Variants in LDLRAD4 observed in about 807,000 individuals in gnomAD.
LDLRAD4 encodes the protein low-density lipoprotein receptor class A domain-containing protein 4.
In LDLRAD4, 5 loss-of-function variants were observed where a neutral mutation model predicts 17.0. The observed-to-expected ratio is 0.29, with a 90% CI of 0.15 to 0.62. The LOEUF is 0.62. Ranked by LOEUF, LDLRAD4 falls within the 20% of genes least tolerant of loss-of-function variation. The pLI, the probability that LDLRAD4 is intolerant of heterozygous loss-of-function variation, is 0.84. For missense variants in LDLRAD4, 340 were observed against 424.7 expected (o/e 0.80, Z 1.75); for synonymous variants, 168 against 171.8 (o/e 0.98, Z 0.17).
At chr18:13,326,831 C>G (rs547297822) in intron 1 of LDLRAD4, among the ~76,000 whole-genome samples, 1 of 151,906 alleles carries the variant, frequency 6.6e-6, no homozygotes, top group African/African-American at 2.4e-5. Flanking sequence ...TGCAATGGCA[C>G]GATCTTGGCT....
chr18:13,352,412 T>C (rs900124965), intron 1 of LDLRAD4, among the ~76,000 whole-genome samples: 7 of 152,208 alleles, frequency 4.6e-5, no homozygotes, highest in Non-Finnish European at 1.0e-4. Context: ...TTCAGCAGTT[T>C]AAATAAATCC....
intron 1 of LDLRAD4, among the ~76,000 whole-genome samples, chr18:13,251,318 A>C (rs185668975): frequency 4.8e-4 from 73 of 152,338 alleles, no homozygotes; most frequent in African/African-American, 1.7e-3. Context: ...GAACTGGAAC[A>C]AGAAAAGAAT....
At chr18:13,561,062 T>TG (rs1363202334) in intron 3 of LDLRAD4, among the ~76,000 whole-genome samples, 1 of 3,152 alleles carries the variant, frequency 3.2e-4, no homozygotes, top group Non-Finnish European at 0.013. Context: ...AATTGGCTTA[T>TG]GATGTGTCAC....
chr18:13,312,705 G>A (rs1022912765), intron 1 of LDLRAD4, among the ~76,000 whole-genome samples: 1 of 152,072 alleles, frequency 6.6e-6, no homozygotes, highest in Non-Finnish European at 1.5e-5. Flanking sequence ...TCGCACCACC[G>A]CACTCCAGCC....
At chr18:13,437,841 G>A (rs568917923) in intron 2 of LDLRAD4, among the ~76,000 whole-genome samples, 3 of 152,350 alleles carry the variant, frequency 2.0e-5, no homozygotes, top group East Asian at 3.9e-4. Flanking sequence ...CCCCTGCCAC[G>A]GCTGGCTGCA....
At chr18:13,312,333 A>T (rs2047285056) in intron 1 of LDLRAD4, among the ~76,000 whole-genome samples, 2 of 152,230 alleles carry the variant, frequency 1.3e-5, no homozygotes, top group African/African-American at 4.8e-5. Flanking sequence ...CTCATTATGT[A>T]CATGCAGATA....
chr18:13,500,299 A>C (rs1342034148), intron 3 of LDLRAD4, among the ~76,000 whole-genome samples: 1 of 152,194 alleles, frequency 6.6e-6, no homozygotes, highest in East Asian at 1.9e-4. Context: ...CGTCTCTCAA[A>C]GTCCCTCCTC....
chr18:13,376,364 C>T (rs185305075), intron 1 of LDLRAD4, among the ~76,000 whole-genome samples: 167 of 152,288 alleles, frequency 1.1e-3, no homozygotes, highest in Non-Finnish European at 1.9e-3. Context: ...GGCCCACGGT[C>T]GCTTAGATCA....
At chr18:13,327,427 G>A (rs1353389334) in intron 1 of LDLRAD4, among the ~76,000 whole-genome samples, 1 of 152,096 alleles carries the variant, frequency 6.6e-6, no homozygotes, top group African/African-American at 2.4e-5. Context: ...AGTTGGATAA[G>A]GACTGGCTGA....
chr18:13,481,947 A>G (rs2093098056), intron 3 of LDLRAD4, among the ~76,000 whole-genome samples: 1 of 152,026 alleles, frequency 6.6e-6, no homozygotes, highest in East Asian at 1.9e-4. Context: ...CAGAGGGCGG[A>G]GCAGGGCTGG....
intron 2 of LDLRAD4, among the ~76,000 whole-genome samples, chr18:13,418,363 C>T (rs2089129636): frequency 1.3e-5 from 2 of 152,248 alleles, no homozygotes; most frequent in African/African-American, 2.4e-5. Flanking sequence ...TGATCTGCCT[C>T]GCCCCTGAGA....
intron 3 of LDLRAD4, among the ~76,000 whole-genome samples, chr18:13,456,936 C>A (rs114936406): frequency 2.0e-5 from 3 of 152,348 alleles, no homozygotes; most frequent in Admixed American, 6.5e-5. Flanking sequence ...TTTCTCAGCT[C>A]CCAGGATTTC....
intron 1 of LDLRAD4, among the ~76,000 whole-genome samples, chr18:13,383,419 T>C (rs369396547): frequency 9.2e-5 from 14 of 152,106 alleles, no homozygotes; most frequent in African/African-American, 3.4e-4. Flanking sequence ...CTGCGGGTTG[T>C]GTAGCAGGGT....
intron 2 of LDLRAD4, among the ~76,000 whole-genome samples, chr18:13,407,076 G>A (rs1246533552): frequency 6.6e-6 from 1 of 152,186 alleles, no homozygotes; most frequent in African/African-American, 2.4e-5. Context: ...GTGCGTGGCG[G>A]TATGCATTTT....
At chr18:13,556,194 A>G (rs948392455) in intron 3 of LDLRAD4, among the ~76,000 whole-genome samples, 2 of 152,204 alleles carry the variant, frequency 1.3e-5, no homozygotes, top group Admixed American at 1.3e-4. Flanking sequence ...GGAATTTCTG[A>G]GTCTATTGCA....
In LDLRAD4 at chr18:13,643,440, CGGGGGGCGG is replaced by C. The variant is rs766694178; in HGVS notation, c.390+35_390+43del. The stretch of plus-strand genomic sequence containing the variant: ...AAGGGGCCCCAGGAGGTGATGGCTG[CGGGGGGCGG>C]GGGGGGTGGGTGGGGATGAAGGGGG... On this transcript the variant is annotated intron_variant, in intron 5 of 5. Transcript: ENST00000359446. 6.9e-4 allele frequency: 91 copies of C among 132,564 alleles called. No homozygotes were observed. In the African/African-American group the frequency reaches 0.018, roughly 27 times the overall value. The allele number at this position is 132,564 out of a possible 1,614,324, so 8.2% of individuals were successfully genotyped here.
intron 3 of LDLRAD4, among the ~76,000 whole-genome samples, chr18:13,512,576 A>G (rs1207286581): frequency 2.0e-5 from 3 of 152,186 alleles, no homozygotes; most frequent in Admixed American, 1.3e-4. Context: ...TTCATTGAGT[A>G]ATTTTATGTA....
chr18:13,583,376 C>T (rs2094891426), intron 3 of LDLRAD4, among the ~76,000 whole-genome samples: 1 of 152,022 alleles, frequency 6.6e-6, no homozygotes, highest in African/African-American at 2.4e-5. Context: ...CTCCTGATGG[C>T]CACGTGTGTG....
intron 1 of LDLRAD4, among the ~76,000 whole-genome samples, chr18:13,345,931 T>A (rs982983578): frequency 2.0e-5 from 3 of 152,220 alleles, no homozygotes; most frequent in African/African-American, 7.2e-5. Flanking sequence ...GATATCCCCT[T>A]CATCATTTTT....
Sources: allele counts gnomAD v4.1 joint callset (sites outside exome capture counted in the v4.1 genomes callset), GRCh38; gene constraint gnomAD v4.1.1; transcripts MANE v1.5; gene names NCBI Gene and HGNC (gene_info 2026-07-23, HGNC 2026-07-21).